The following NGF variants were observed in gnomAD, a reference collection of about 807,000 sequenced individuals.
NGF encodes nerve growth factor, also known as beta-nerve growth factor.
In NGF, 4 loss-of-function variants were observed where a neutral mutation model predicts 12.8. The observed-to-expected ratio is 0.31, with a 90% CI of 0.15 to 0.72. The LOEUF (loss-of-function observed/expected upper bound fraction) is 0.72. NGF is among the 30% of genes least tolerant of loss of function. NGF has a pLI of 0.69. For missense variants in NGF, 283 were observed against 330.8 expected, an observed-to-expected ratio of 0.86 and a Z score of 1.12; for synonymous variants, 140 against 130.0, an observed-to-expected ratio of 1.08 and a Z score of -0.52.
intron 1 of NGF, among the ~76,000 whole-genome samples, chr1:115,316,324 G>C (rs1477038453): frequency 6.6e-6 from 1 of 152,164 alleles, no homozygotes; most frequent in Admixed American, 6.5e-5. Flanking sequence ...ATGTGGGCTG[G>C]AGGACTTGAG....
At chr1:115,328,340 A>G (rs191674000) in intron 1 of NGF, among the ~76,000 whole-genome samples, 2 of 152,308 alleles carry the variant, frequency 1.3e-5, no homozygotes, top group African/African-American at 4.8e-5. Context: ...GCCCTAAGGT[A>G]GAATCTTGGT....
At chr1:115,336,700 C>T (rs949977594) in intron 1 of NGF, among the ~76,000 whole-genome samples, 6 of 152,226 alleles carry the variant, frequency 3.9e-5, no homozygotes, top group African/African-American at 1.4e-4. Flanking sequence ...ATAAGAAGGG[C>T]TGGCAGGGGC....
intron 1 of NGF, among the ~76,000 whole-genome samples, chr1:115,310,157 A>G (rs750669739): frequency 7.2e-5 from 11 of 152,258 alleles, no homozygotes; most frequent in African/African-American, 1.7e-4. Flanking sequence ...AAAGAGATTA[A>G]GGAGAATACG....
chr1:115,320,307 T>A (rs1316338467), intron 1 of NGF, among the ~76,000 whole-genome samples: 1 of 152,188 alleles, frequency 6.6e-6, no homozygotes, highest in African/African-American at 2.4e-5. Context: ...TAAAATTTAA[T>A]TTATACATTA....
intron 1 of NGF, among the ~76,000 whole-genome samples, chr1:115,311,845 C>T (rs187109095): frequency 3.9e-5 from 6 of 152,254 alleles, no homozygotes; most frequent in Middle Eastern, 3.4e-3. Flanking sequence ...GATGACAACA[C>T]TAAGTTTAAA....
chr1:115,336,367 A>C (rs184178452), intron 1 of NGF, among the ~76,000 whole-genome samples: 48 of 152,076 alleles, frequency 3.2e-4, no homozygotes, highest in African/African-American at 1.2e-3. Context: ...TTTTCCCTTC[A>C]CCTGCATAAA....
intron 1 of NGF, among the ~76,000 whole-genome samples, chr1:115,334,945 T>G (rs964583622): frequency 2.6e-5 from 4 of 152,154 alleles, no homozygotes; most frequent in African/African-American, 9.7e-5. Flanking sequence ...CCTTCCTTTC[T>G]CACAAGTGAG....
intron 1 of NGF, among the ~76,000 whole-genome samples, chr1:115,301,667 G>A (rs571229514): frequency 3.3e-5 from 5 of 152,176 alleles, no homozygotes; most frequent in Admixed American, 1.3e-4. Context: ...ATTGTAGAAC[G>A]CTCAGCCTGC....
At chr1:115,299,783 G>A (rs903770543) in intron 1 of NGF, among the ~76,000 whole-genome samples, 2 of 152,068 alleles carry the variant, frequency 1.3e-5, no homozygotes, top group African/African-American at 4.8e-5. Context: ...GTTCCAACTG[G>A]CTAATCCTTA....
intron 1 of NGF, among the ~76,000 whole-genome samples, chr1:115,301,834 T>A (rs1654046059): frequency 6.6e-6 from 1 of 152,226 alleles, no homozygotes; most frequent in Non-Finnish European, 1.5e-5. Flanking sequence ...TGCTGCAATG[T>A]TTAGCTATCA....
intron 1 of NGF, among the ~76,000 whole-genome samples, chr1:115,295,992 T>C (rs1653855697): frequency 6.6e-6 from 1 of 152,218 alleles, no homozygotes; most frequent in Non-Finnish European, 1.5e-5. Flanking sequence ...ACATTTAAAG[T>C]ACAGTGTGAT....
At chr1:115,315,947 C>T (rs1006300826) in intron 1 of NGF, among the ~76,000 whole-genome samples, 1 of 152,160 alleles carries the variant, frequency 6.6e-6, no homozygotes, top group Non-Finnish European at 1.5e-5. Context: ...GACTTCCTGT[C>T]TCTTAGATTG....
intron 1 of NGF, among the ~76,000 whole-genome samples, chr1:115,300,242 T>G (rs1261589951): frequency 6.6e-6 from 1 of 152,158 alleles, no homozygotes; most frequent in Admixed American, 6.5e-5. Context: ...TAAGGATTCA[T>G]AGCCCTGAAA....
intron 1 of NGF, among the ~76,000 whole-genome samples, chr1:115,313,979 A>C (rs1234572400): frequency 6.6e-6 from 1 of 152,222 alleles, no homozygotes; most frequent in African/African-American, 2.4e-5. Context: ...GTTATTAAAA[A>C]GACCACATTA....
chr1:115,310,563 T>C (rs1484303220), intron 1 of NGF, among the ~76,000 whole-genome samples: 2 of 152,112 alleles, frequency 1.3e-5, no homozygotes, highest in Admixed American at 1.3e-4. Flanking sequence ...GCAGGCCCTA[T>C]GTTTGGTCAA....
chr1:115,337,267 G>GTTTGTTTTTTTTTTTTTTTTTT lies in NGF; in HGVS notation c.-137+936_-137+937insAAAAAAAAAAAAAAAAAACAAA. On this transcript the variant is annotated intron_variant, in intron 1 of 2. Transcript: ENST00000369512. Reference sequence around the variant, plus strand: ...TCGAAATTTTTTTTGTTTTGTTTTTGTTTTTTTTTTTTTTTTTTTTTTTTT... The same window carrying GTTTGTTTTTTTTTTTTTTTTTT: ...TCGAAATTTTTTTTGTTTTGTTTTTGTTTGTTTTTTTTTTTTTTTTTTTTTTTTTTTTTTTTTTTTTTTTTTT... 1.5e-3 allele frequency among the ~76,000 whole-genome samples: 125 copies of GTTTGTTTTTTTTTTTTTTTTTT among 81,022 alleles called. 19 individuals are homozygous for GTTTGTTTTTTTTTTTTTTTTTT. The highest frequency in any genetic ancestry group is 2.1e-3 in the African/African-American group (39 of 18,894). 53.2% of individuals were successfully genotyped at this position (81,022 alleles called of 152,430 possible).
intron 2 of NGF, among the ~76,000 whole-genome samples, chr1:115,288,403 G>C (rs1653585185): frequency 6.6e-6 from 1 of 152,216 alleles, no homozygotes; most frequent in South Asian, 2.1e-4. Context: ...TCCCAGAGTA[G>C]TTGTTAGGAT....
At chr1:115,337,224 A>G (rs1175946849) in intron 1 of NGF, among the ~76,000 whole-genome samples, 1 of 146,512 alleles carries the variant, frequency 6.8e-6, no homozygotes, top group Non-Finnish European at 1.5e-5. Flanking sequence ...CAAGCACGAA[A>G]CACCTTCCTT....
chr1:115,290,408 T>C (rs1489029295), intron 2 of NGF, among the ~76,000 whole-genome samples: 1 of 142,388 alleles, frequency 7.0e-6, no homozygotes, highest in Non-Finnish European at 1.5e-5. Context: ...TTTTTTTTTT[T>C]TTTTTGAGAT....
Sources: gnomAD v4.1 joint callset for allele counts (sites outside exome capture counted in the v4.1 genomes callset) on GRCh38, gnomAD v4.1.1 for gene constraint, MANE v1.5 for transcripts, NCBI Gene and HGNC (gene_info 2026-07-23, HGNC 2026-07-21) for gene names.